Variants in SCML4 observed in about 807,000 individuals in gnomAD.
The protein encoded by SCML4 is Scm polycomb group protein like 4.
A neutral mutation model predicts 41.1 loss-of-function variants in SCML4; 34 were observed. The ratio of observed to expected loss-of-function variants is 0.83; its 90% confidence interval spans 0.63 to 1.10. The LOEUF is 1.10. Among genes scored for constraint, SCML4 ranks in the 50% least tolerant of loss-of-function variants. The pLI is 0.00. For synonymous variants in SCML4, 214 were observed against 220.9 expected, an observed-to-expected ratio of 0.97 and a Z score of 0.28; for missense variants, 522 against 534.1, an observed-to-expected ratio of 0.98 and a Z score of 0.22.
rs1773379087 is a variant in SCML4 at position 107,703,943 on chromosome 6, G to C, written c.*1257C>G. 6.6e-6 allele frequency among the ~76,000 whole-genome samples: 1 copy of C among 152,232 alleles called. No homozygotes were observed. Among genetic ancestry groups the C allele is most frequent in the African/African-American group, 2.4e-5 (1 of 41,464 alleles). ...GAGAGGTGGAGGGAAACAGAGAAAAGAGAAGGATAAAACGAATGGTGGAGA... is the reference window on the plus strand; with the variant it reads ...GAGAGGTGGAGGGAAACAGAGAAAACAGAAGGATAAAACGAATGGTGGAGA... On this transcript the variant is annotated 3_prime_UTR_variant, in exon 8 of 8. Coordinates refer to ENST00000369020, the MANE Select transcript of SCML4 (RefSeq NM_198081.5).
intron 5 of SCML4, among the ~76,000 whole-genome samples, chr6:107,725,325 G>A (rs532437871): frequency 1.9e-4 from 29 of 151,990 alleles, no homozygotes; most frequent in African/African-American, 6.3e-4. Context: ...TCTCTTATGC[G>A]TTGATTTAAA....
At chr6:107,831,434 C>T in the SCML4 span, among the ~76,000 whole-genome samples, 12 of 89,964 alleles carry the variant, frequency 1.3e-4, no homozygotes, top group Non-Finnish European at 3.0e-4. Flanking sequence ...AAAAAAAAAA[C>T]CCAGCTCGTT....
At chr6:107,823,672 T>C (rs779963368) in intron 1 of SCML4, among the ~76,000 whole-genome samples, 2 of 152,212 alleles carry the variant, frequency 1.3e-5, no homozygotes, top group Non-Finnish European at 2.9e-5. Flanking sequence ...CATACCAATT[T>C]TAATAACCAA....
chr6:107,711,279 G>A (rs1348397497), intron 6 of SCML4, among the ~76,000 whole-genome samples: 1 of 152,186 alleles, frequency 6.6e-6, no homozygotes, highest in African/African-American at 2.4e-5. Context: ...ATCCTCTCAT[G>A]ACAGGGGTTA....
At chr6:107,746,573 C>T (rs886471870) in intron 4 of SCML4, 116 bp downstream of exon 4, 10 of 858,458 alleles carry the variant, frequency 1.2e-5, no homozygotes, top group Non-Finnish European at 1.9e-5. Context: ...ACCCTAGGAG[C>T]CCAGCAGATG....
At position 107,711,834 on chromosome 6, in the gene SCML4, T is replaced by G. The variant is rs566003750; in HGVS notation, c.974-3823A>C. Among the ~76,000 whole-genome samples the G allele has an allele frequency of 1.4e-4, 21 of 152,344 alleles. No individual in the cohort carries two copies. In the East Asian group the frequency reaches 2.9e-3, roughly 21 times the overall value. Reference sequence around the variant, plus strand: ...TAGATCTCGGGGCACAGTGGCTTTCTGCTGTCTCTGTCTCCTTCCTCCTTT... The same window carrying G: ...TAGATCTCGGGGCACAGTGGCTTTCGGCTGTCTCTGTCTCCTTCCTCCTTT... On this transcript the variant is annotated intron_variant, in intron 6 of 7. Transcript: ENST00000369020.
In SCML4 at chr6:107,744,896, C is replaced by T. The variant is rs367626585; in HGVS notation, c.682+53G>A. ...TCCCTCCATAGTGGAAGGGCAGAGA[C>T]ACCTGGGACAGGGAGGTGTCCCTGC... On this transcript the variant is annotated intron_variant, in intron 5 of 7. Coordinates refer to ENST00000369020, the MANE Select transcript of SCML4 (RefSeq NM_198081.5). The T allele has an allele frequency of 1.5e-5, 22 of 1,437,526 alleles. No individual in the cohort carries two copies. In the East Asian group the frequency reaches 1.9e-4, roughly 12 times the overall value. The allele number at this position is 1,437,526 out of a possible 1,614,324, so 89.0% of individuals were successfully genotyped here. A position where few individuals can be genotyped will look rare whatever the true frequency, so the allele number is the denominator to read the frequency against.
chr6:107,717,066 G>A (rs909378208), intron 6 of SCML4, among the ~76,000 whole-genome samples: 6 of 149,688 alleles, frequency 4.0e-5, no homozygotes, highest in Non-Finnish European at 5.9e-5. Context: ...TTGGGAGGCC[G>A]AGGCAGGCAG....
intron 6 of SCML4, among the ~76,000 whole-genome samples, chr6:107,713,285 G>A (rs1017190191): frequency 6.6e-6 from 1 of 152,190 alleles, no homozygotes; most frequent in African/African-American, 2.4e-5. Context: ...AATTAGCAGT[G>A]AGCTGGGAGT....
intron 1 of SCML4, among the ~76,000 whole-genome samples, chr6:107,817,620 C>CAAAAAAAAAAAAAAAAAAAAAAAAA (rs35621962): frequency 2.2e-5 from 1 of 46,000 alleles, no homozygotes; most frequent in African/African-American, 1.4e-4. Context: ...GACTTCATCT[C>CAAAAAAAAAAAAAAAAAAAAAAAAA]AAAAAAAAAA....
intron 1 of SCML4, among the ~76,000 whole-genome samples, chr6:107,783,666 CTGATGG>C (rs1781658692): frequency 7.6e-6 from 1 of 130,782 alleles, no homozygotes; most frequent in East Asian, 2.3e-4. Flanking sequence ...CTGAGTTTGC[CTGATGG>C]CAGGTGCTGG....
chr6:107,722,887 GA>G (rs1449622312), intron 5 of SCML4, among the ~76,000 whole-genome samples: 2 of 151,082 alleles, frequency 1.3e-5, no homozygotes, highest in African/African-American at 4.9e-5. Flanking sequence ...TAAGACACTG[GA>G]AAAAAAAGCA....
intron 5 of SCML4, among the ~76,000 whole-genome samples, chr6:107,740,530 GT>G (rs1356930953): frequency 6.6e-6 from 1 of 152,196 alleles, no homozygotes; most frequent in African/African-American, 2.4e-5. Context: ...TCCAGAGTTT[GT>G]TTGGTCAGAG....
At chr6:107,731,601 G>A (rs1776554451) in intron 5 of SCML4, among the ~76,000 whole-genome samples, 2 of 152,190 alleles carry the variant, frequency 1.3e-5, no homozygotes, top group South Asian at 4.1e-4. Context: ...CCTTGCTCAG[G>A]ATTGATTGCC....
chr6:107,728,223 T>C (rs886091229), intron 5 of SCML4, among the ~76,000 whole-genome samples: 8 of 152,212 alleles, frequency 5.3e-5, no homozygotes, highest in Non-Finnish European at 7.3e-5. Context: ...ACTGGCACTA[T>C]AGTTGGAAAA....
At chr6:107,746,666 A>C in intron 4 of SCML4, 23 bp downstream of exon 4, 1 of 1,606,782 alleles carries the variant, frequency 6.2e-7, no homozygotes. Flanking sequence ...TGGCCTCCTC[A>C]TGCAACCTGC....
intron 2 of SCML4, among the ~76,000 whole-genome samples, chr6:107,755,912 G>A (rs1779071610): frequency 6.6e-6 from 1 of 152,168 alleles, no homozygotes; most frequent in Admixed American, 6.5e-5. Flanking sequence ...CAGGGACACA[G>A]GTGCCAACTG....
At chr6:107,727,083 T>C (rs1250110189) in intron 5 of SCML4, among the ~76,000 whole-genome samples, 1 of 152,234 alleles carries the variant, frequency 6.6e-6, no homozygotes, top group Non-Finnish European at 1.5e-5. Context: ...TAAAAAGGAA[T>C]GAAGTACTGA....
intron 1 of SCML4, among the ~76,000 whole-genome samples, chr6:107,790,490 G>A (rs771752281): frequency 7.2e-5 from 11 of 152,096 alleles, no homozygotes; most frequent in Admixed American, 2.6e-4. Context: ...GGGGCTTACC[G>A]GATTATTTTC....
Sources: allele counts gnomAD v4.1 joint callset (sites outside exome capture counted in the v4.1 genomes callset), GRCh38; gene constraint gnomAD v4.1.1; transcripts MANE v1.5; gene names NCBI Gene and HGNC (gene_info 2026-07-23, HGNC 2026-07-21).